ZNF804A: variants seen among roughly 807,000 people sequenced by gnomAD.
The protein encoded by ZNF804A is zinc finger protein 804A.
Under a neutral mutation model 16.5 loss-of-function variants are expected in ZNF804A, and 2 were observed. The ratio of observed to expected loss-of-function variants is 0.12; its 90% CI spans 0.05 to 0.38. ZNF804A has a LOEUF of 0.38. ZNF804A is among the 10% of genes least tolerant of loss of function. The probability of loss-of-function intolerance (pLI) is 0.99; values close to 1 mark genes in which losing one functional copy is unlikely to be tolerated. For synonymous variants in ZNF804A, 534 were observed against 489.6 expected, an observed-to-expected ratio of 1.09 and a Z score of -1.20; for missense variants, 1,473 against 1,390.7, an observed-to-expected ratio of 1.06 and a Z score of -0.94.
intron 1 of ZNF804A, among the ~76,000 whole-genome samples, chr2:184,617,988 A>G (rs1019082427): frequency 6.6e-6 from 1 of 151,986 alleles, no homozygotes; most frequent in African/African-American, 2.4e-5. Context: ...TGTTGTCTTT[A>G]ATTTATACAT....
At chr2:184,681,601 T>C (rs1433701192) in intron 1 of ZNF804A, among the ~76,000 whole-genome samples, 1 of 152,246 alleles carries the variant, frequency 6.6e-6, no homozygotes, top group Non-Finnish European at 1.5e-5. Context: ...TATCATTTAT[T>C]GGTTTAAGTT....
chr2:184,733,723 C>T (rs560609104), intron 1 of ZNF804A, among the ~76,000 whole-genome samples: 1 of 152,230 alleles, frequency 6.6e-6, no homozygotes, highest in East Asian at 1.9e-4. Flanking sequence ...TTTAGATGGT[C>T]TATTCTTGTG....
chr2:184,854,268 G>A (rs1343555076), intron 1 of ZNF804A, among the ~76,000 whole-genome samples: 1 of 151,820 alleles, frequency 6.6e-6, no homozygotes, highest in African/African-American at 2.4e-5. Flanking sequence ...TCAAAATACA[G>A]GCACACTACA....
chr2:184,878,495 C>T (rs1350028114), intron 2 of ZNF804A, among the ~76,000 whole-genome samples: 1 of 151,974 alleles, frequency 6.6e-6, no homozygotes, highest in Non-Finnish European at 1.5e-5. Context: ...TTTTGGTTGT[C>T]AAAAGGACTT....
At chr2:184,790,341 T>C (rs1694517748) in intron 1 of ZNF804A, among the ~76,000 whole-genome samples, 1 of 152,010 alleles carries the variant, frequency 6.6e-6, no homozygotes, top group African/African-American at 2.4e-5. Context: ...TATTACGTTC[T>C]GTAGATGTCT....
intron 1 of ZNF804A, among the ~76,000 whole-genome samples, chr2:184,755,909 G>A (rs1341926837): frequency 1.3e-5 from 2 of 151,836 alleles, no homozygotes; most frequent in African/African-American, 4.8e-5. Flanking sequence ...AATACACGCT[G>A]TTTATTTTCA....
chr2:184,750,816 T>C (rs1049225466), intron 1 of ZNF804A, among the ~76,000 whole-genome samples: 1 of 151,352 alleles, frequency 6.6e-6, no homozygotes, highest in African/African-American at 2.4e-5. Context: ...TTTTGCCTGA[T>C]ACCTCCATGT....
At chr2:184,888,971 AC>A (rs998284130) in intron 2 of ZNF804A, among the ~76,000 whole-genome samples, 11 of 151,952 alleles carry the variant, frequency 7.2e-5, no homozygotes, top group African/African-American at 2.2e-4. Context: ...TGAAAAAAAA[AC>A]GTTTATTTTA....
At chr2:184,767,158 A>G (rs1040744405) in intron 1 of ZNF804A, among the ~76,000 whole-genome samples, 2 of 152,182 alleles carry the variant, frequency 1.3e-5, no homozygotes, top group Admixed American at 1.3e-4. Context: ...TACCCAGTTG[A>G]TAGTATTTTG....
intron 1 of ZNF804A, among the ~76,000 whole-genome samples, chr2:184,758,051 A>G (rs189183521): frequency 4.8e-4 from 73 of 152,124 alleles, no homozygotes; most frequent in Admixed American, 9.8e-4. Context: ...AGCATTGTGC[A>G]GGAAAAGCTA....
At chr2:184,641,277 T>C (rs930935631) in intron 1 of ZNF804A, among the ~76,000 whole-genome samples, 21 of 152,180 alleles carry the variant, frequency 1.4e-4, no homozygotes, top group African/African-American at 5.1e-4. Context: ...TACAAATTGC[T>C]AATATAAAGC....
At chr2:184,927,127 G>A (rs543117672) in intron 2 of ZNF804A, among the ~76,000 whole-genome samples, 196 of 152,320 alleles carry the variant, frequency 1.3e-3, no homozygotes, top group African/African-American at 4.6e-3. Flanking sequence ...GTTTGGGCTT[G>A]TTTGTACTTA....
At chr2:184,633,255 A>T (rs1404705805) in intron 1 of ZNF804A, among the ~76,000 whole-genome samples, 1 of 152,210 alleles carries the variant, frequency 6.6e-6, no homozygotes. Context: ...TAGTCAGAGC[A>T]GATACATGTA....
chr2:184,894,009 A>C (rs1225250333), intron 2 of ZNF804A, among the ~76,000 whole-genome samples: 2 of 152,114 alleles, frequency 1.3e-5, no homozygotes, highest in African/African-American at 4.8e-5. Flanking sequence ...CTATAAATAA[A>C]ATTGTCTAAT....
chr2:184,618,710 T>A (rs1490114847), intron 1 of ZNF804A, among the ~76,000 whole-genome samples: 3 of 152,082 alleles, frequency 2.0e-5, no homozygotes, highest in African/African-American at 7.2e-5. Context: ...CTATTAAGAT[T>A]AATAAAACTT....
chr2:184,739,332 C>T (rs1693679064), intron 1 of ZNF804A, among the ~76,000 whole-genome samples: 2 of 152,130 alleles, frequency 1.3e-5, no homozygotes, highest in Admixed American at 6.5e-5. Context: ...AGAATATTGG[C>T]TATTGTTAAT....
At chr2:184,672,673 T>C (rs1447675327) in intron 1 of ZNF804A, among the ~76,000 whole-genome samples, 1 of 152,134 alleles carries the variant, frequency 6.6e-6, no homozygotes, top group South Asian at 2.1e-4. Flanking sequence ...AGAATGACTT[T>C]TTTTTTTTAG....
chr2:184,794,384 C>G (rs1223090199), intron 1 of ZNF804A, among the ~76,000 whole-genome samples: 1 of 151,940 alleles, frequency 6.6e-6, no homozygotes, highest in African/African-American at 2.4e-5. Context: ...TGATGATTGT[C>G]TATTCATGTC....
intron 1 of ZNF804A, among the ~76,000 whole-genome samples, chr2:184,626,424 C>T (rs971589568): frequency 4.6e-5 from 7 of 152,028 alleles, no homozygotes; most frequent in Non-Finnish European, 7.4e-5. Flanking sequence ...TGTATGCTTA[C>T]TACTTGATAG....
Sources: gnomAD v4.1 joint callset for allele counts (sites outside exome capture counted in the v4.1 genomes callset) on GRCh38, gnomAD v4.1.1 for gene constraint, MANE v1.5 for transcripts, NCBI Gene and HGNC (gene_info 2026-07-23, HGNC 2026-07-21) for gene names.